MAD1L1: variants seen among roughly 807,000 people sequenced by gnomAD.
The protein encoded by MAD1L1 is mitotic spindle assembly checkpoint protein MAD1.
MAD1L1 carries 95 observed loss-of-function variants against 96.9 expected under a neutral mutation model. That is an observed-to-expected ratio of 0.98 (90% CI 0.83 to 1.16). MAD1L1 has a LOEUF of 1.16. Ranked by LOEUF, MAD1L1 falls within the 50% of genes most tolerant of loss-of-function variation. The pLI is 0.00. For missense variants in MAD1L1, 1,007 were observed against 954.4 expected, an observed-to-expected ratio of 1.06 and a Z score of -0.73; for synonymous variants, 473 against 396.6, an observed-to-expected ratio of 1.19 and a Z score of -2.29.
chr7:1,954,245 A>C (rs1304192191), intron 16 of MAD1L1, among the ~76,000 whole-genome samples: 1 of 152,064 alleles, frequency 6.6e-6, no homozygotes, highest in Non-Finnish European at 1.5e-5. Context: ...AGGAGCCATC[A>C]CCGGAGATCT....
chr7:1,934,170 G>A (rs556398732), intron 17 of MAD1L1, among the ~76,000 whole-genome samples: 58 of 152,268 alleles, frequency 3.8e-4, no homozygotes, highest in East Asian at 2.9e-3. Context: ...CATGTGGCGC[G>A]GCCCCCACTA....
chr7:1,998,138 G>C (rs981364130), intron 14 of MAD1L1, among the ~76,000 whole-genome samples: 1 of 152,168 alleles, frequency 6.6e-6, no homozygotes, highest in Non-Finnish European at 1.5e-5. Context: ...TGCACCAAGC[G>C]CACCTCACAG....
At chr7:1,919,172 G>A (rs775519449) in intron 17 of MAD1L1, among the ~76,000 whole-genome samples, 3 of 152,254 alleles carry the variant, frequency 2.0e-5, no homozygotes, top group Non-Finnish European at 4.4e-5. Flanking sequence ...GACCTGGGCC[G>A]GTGGTCCCGT....
At chr7:2,221,161 C>G (rs945318724) in intron 5 of MAD1L1, 5 of 738,668 alleles carry the variant, frequency 6.8e-6, no homozygotes, top group African/African-American at 5.3e-5. Context: ...CCCCACCCCA[C>G]CGGGCACCGC....
intron 18 of MAD1L1, among the ~76,000 whole-genome samples, chr7:1,896,391 G>A (rs1786873024): frequency 6.6e-6 from 1 of 152,176 alleles, no homozygotes; most frequent in South Asian, 2.1e-4. Flanking sequence ...ATGCTCGAGG[G>A]TATGACGGGG....
chr7:1,850,976 C>T (rs1004418292), intron 18 of MAD1L1, among the ~76,000 whole-genome samples: 1 of 152,196 alleles, frequency 6.6e-6, no homozygotes, highest in Non-Finnish European at 1.5e-5. Context: ...GCGTCGCGTC[C>T]GTGGGTCGAG....
chr7:2,183,152 G>A (rs1420885737), intron 10 of MAD1L1, among the ~76,000 whole-genome samples: 1 of 151,798 alleles, frequency 6.6e-6, no homozygotes, highest in Non-Finnish European at 1.5e-5. Context: ...GTTAGAGGCT[G>A]CTGTGAACTA....
At chr7:1,978,014 T>C (rs1780725305) in intron 15 of MAD1L1, among the ~76,000 whole-genome samples, 1 of 152,186 alleles carries the variant, frequency 6.6e-6, no homozygotes, top group South Asian at 2.1e-4. Flanking sequence ...CCTTGCAGGG[T>C]CAGGCACCAG....
intron 13 of MAD1L1, among the ~76,000 whole-genome samples, chr7:2,006,758 GC>G (rs1281282393): frequency 6.6e-6 from 1 of 152,148 alleles, no homozygotes; most frequent in Non-Finnish European, 1.5e-5. Flanking sequence ...CCAAGACGAC[GC>G]TCTCTGTGTG....
chr7:1,854,302 A>G (rs893632096), intron 18 of MAD1L1: 1 of 444,530 alleles, frequency 2.2e-6, no homozygotes, highest in Non-Finnish European at 4.5e-6. Context: ...CAGCCCCAGC[A>G]GCGAGCGGAC....
chr7:2,024,089 T>C (rs1015656065), intron 12 of MAD1L1, among the ~76,000 whole-genome samples: 8 of 149,518 alleles, frequency 5.4e-5, no homozygotes, highest in African/African-American at 2.0e-4. Context: ...CATAAATCTG[T>C]AGCCAGGTTA....
At chr7:2,157,662 G>A (rs931673053) in intron 10 of MAD1L1, among the ~76,000 whole-genome samples, 2 of 147,426 alleles carry the variant, frequency 1.4e-5, no homozygotes, top group Non-Finnish European at 3.0e-5. Context: ...ACCACCACTG[G>A]CTGTCACGAG....
chr7:2,041,837 G>T (rs1455702844), intron 12 of MAD1L1, among the ~76,000 whole-genome samples: 1 of 152,122 alleles, frequency 6.6e-6, no homozygotes, highest in Admixed American at 6.5e-5. Context: ...GCCCACAGGG[G>T]GGAGGGATAC....
At chr7:1,874,482 G>T (rs367997562) in intron 18 of MAD1L1, 17 of 453,854 alleles carry the variant, frequency 3.7e-5, no homozygotes, top group African/African-American at 3.4e-4. Flanking sequence ...GAGGCGGAGG[G>T]CTGACCTTTT....
chr7:2,055,104 A>G (rs1453178098), intron 12 of MAD1L1, among the ~76,000 whole-genome samples: 2 of 152,240 alleles, frequency 1.3e-5, no homozygotes, highest in Non-Finnish European at 2.9e-5. Flanking sequence ...AAGCGGGGCC[A>G]AGCCTCCCTC....
rs1280705024 is a variant in MAD1L1, at chr7:2,142,327, C to G, written c.1073+6825G>C. On this transcript the variant is annotated intron_variant, in intron 11 of 18. Transcript: ENST00000265854. This position sits in a 1 kb window ranked among gnomAD's most constrained non-coding sequence, Gnocchi z 4.7. ...CGTTCTAGAGACAGACAAGGAGCCT[C>G]AAAAGGCTGTCCCCTGGTGCAGGGC... Among the ~76,000 whole-genome samples, 1 of 152,232 alleles carries G rather than the reference C, an allele frequency of 6.6e-6. No homozygotes were observed. The highest frequency in any genetic ancestry group is 6.5e-5 in the Admixed American group (1 of 15,290).
chr7:1,885,735 C>A (rs539053596), intron 18 of MAD1L1, among the ~76,000 whole-genome samples: 139 of 152,320 alleles, frequency 9.1e-4, no homozygotes, highest in African/African-American at 2.9e-3. Flanking sequence ...GGAGCAGAGG[C>A]AGATCCCCGA....
intron 10 of MAD1L1, among the ~76,000 whole-genome samples, chr7:2,171,872 G>A (rs917891102): frequency 2.0e-5 from 3 of 152,200 alleles, no homozygotes; most frequent in East Asian, 3.8e-4. Context: ...ATGAGACCAC[G>A]CAGCCCAAGA....
At chr7:2,098,873 C>T (rs185444057) in intron 11 of MAD1L1, among the ~76,000 whole-genome samples, 8 of 152,318 alleles carry the variant, frequency 5.3e-5, no homozygotes, top group Admixed American at 1.3e-4. Flanking sequence ...CCCTGGAGGG[C>T]CAAATAAAGG....
Sources: gnomAD v4.1 joint callset for allele counts (sites outside exome capture counted in the v4.1 genomes callset) on GRCh38, gnomAD v4.1.1 for gene constraint, Gnocchi (gnomAD v3.1) non-coding constraint, MANE v1.5 for transcripts, NCBI Gene and HGNC (gene_info 2026-07-23, HGNC 2026-07-21) for gene names.